SCP2: variants seen among roughly 807,000 people sequenced by gnomAD.
SCP2 encodes SCP-2/3-oxoacyl-CoA thiolase.
Under a neutral mutation model 71.4 loss-of-function variants are expected in SCP2, and 48 were observed. That is an observed-to-expected ratio of 0.67 (90% confidence interval 0.53 to 0.86). The LOEUF is 0.86. Ranked by LOEUF, SCP2 falls within the 40% of genes least tolerant of loss-of-function variation. SCP2 has a pLI of 0.00. For synonymous variants in SCP2, 220 were observed against 218.1 expected (o/e 1.01, Z -0.08); for missense variants, 560 against 655.6 (o/e 0.85, Z 1.59).
At chr1:52,954,033 C>T (rs548834592) in intron 4 of SCP2, among the ~76,000 whole-genome samples, 11 of 150,360 alleles carry the variant, frequency 7.3e-5, no homozygotes, top group African/African-American at 1.5e-4. Context: ...TTTGTGGTGC[C>T]GGGCATAGTG....
At chr1:53,032,443 G>A (rs1489353241) in intron 13 of SCP2, among the ~76,000 whole-genome samples, 2 of 152,214 alleles carry the variant, frequency 1.3e-5, no homozygotes, top group African/African-American at 4.8e-5. Context: ...GAGTTAGCAT[G>A]TGAGCTGAGA....
At position 53,050,687 on chromosome 1, in the gene SCP2, G is replaced by C. The variant is rs760910778; in HGVS notation, c.1627G>C (p.Gly543Arg). 3.0e-5 allele frequency: 49 copies of C among 1,612,332 alleles called. No individual in the cohort carries two copies. Among genetic ancestry groups the C allele is most frequent in the Non-Finnish European group, 4.2e-5 (49 of 1,178,492 alleles). Residue 543 changes from glycine (G) to arginine (R), a missense_variant, in exon 16 of 16, where the codon GGC (glycine) becomes CGC (arginine). Coordinates refer to ENST00000371514, the MANE Select transcript of SCP2 (RefSeq NM_002979.5). ...MKLQNLQLQPGNAKL is the reference protein window; with the variant it reads ...MKLQNLQLQPRNAKL ...GTTACAAAATCTTCAGCTTCAGCCA[G>C]GCAACGCTAAGCTCTGAAGAACTCC...
At chr1:53,017,131 ATAGGTATGTATTCTATATTCTGT>A (rs1432608636) in intron 12 of SCP2, among the ~76,000 whole-genome samples, 2 of 152,204 alleles carry the variant, frequency 1.3e-5, no homozygotes, top group Non-Finnish European at 2.9e-5. Context: ...CAGACTGAGA[ATAGGTATGTATTCTATATTCTGT>A]TAAATAAAAC....
chr1:52,935,587 CAAAAAA>C (rs35419796), intron 1 of SCP2, among the ~76,000 whole-genome samples: 8 of 108,714 alleles, frequency 7.4e-5, no homozygotes, highest in African/African-American at 1.6e-4. Flanking sequence ...GAGACTCAGT[CAAAAAA>C]AAAAAAAAAG....
chr1:53,017,688 C>T (rs533659965), intron 12 of SCP2, among the ~76,000 whole-genome samples: 1 of 152,086 alleles, frequency 6.6e-6, no homozygotes, highest in South Asian at 2.1e-4. Context: ...TTTGAAGATC[C>T]TAAGTCATAT....
intron 11 of SCP2, among the ~76,000 whole-genome samples, chr1:52,989,963 C>T (rs1659325417): frequency 6.6e-6 from 1 of 152,120 alleles, no homozygotes; most frequent in African/African-American, 2.4e-5. Context: ...AAGCAAAAGG[C>T]AAAGGCTAAG....
intron 11 of SCP2, among the ~76,000 whole-genome samples, chr1:53,000,599 TG>T (rs1660249056): frequency 6.6e-6 from 1 of 152,226 alleles, no homozygotes; most frequent in African/African-American, 2.4e-5. Context: ...CATTAGGTAC[TG>T]TAGGGCTGTG....
chr1:53,026,941 CTTTT>C (rs758073714), intron 12 of SCP2, among the ~76,000 whole-genome samples: 3 of 134,000 alleles, frequency 2.2e-5, no homozygotes. Context: ...AACTGCTGCA[CTTTT>C]TTTTTTTTTT....
chr1:53,020,196 A>G (rs574242450), intron 12 of SCP2, among the ~76,000 whole-genome samples: 1 of 152,130 alleles, frequency 6.6e-6, no homozygotes, highest in South Asian at 2.1e-4. Context: ...CATCAGAGAC[A>G]GTTTTGATCA....
chr1:52,943,822 C>T, intron 2 of SCP2: 4 of 449,982 alleles, frequency 8.9e-6, no homozygotes, highest in South Asian at 7.3e-5. Flanking sequence ...GATGAGGTTT[C>T]TTCACCCCTG....
At chr1:52,943,139 A>T (rs994410885) in intron 2 of SCP2, among the ~76,000 whole-genome samples, 11 of 151,992 alleles carry the variant, frequency 7.2e-5, no homozygotes, top group African/African-American at 2.7e-4. Context: ...GACTCCATGG[A>T]AAAAAAATCT....
At chr1:53,050,295 T>C (rs1167883175) in intron 15 of SCP2, 2 of 260,338 alleles carry the variant, frequency 7.7e-6, no homozygotes, top group Non-Finnish European at 7.5e-6. Context: ...ATTTCCCACC[T>C]ACATGGAATG....
intron 12 of SCP2, among the ~76,000 whole-genome samples, chr1:53,022,420 T>G (rs6690936): frequency 0.14 from 21,832 of 152,214 alleles, 2,274 homozygotes; most frequent in East Asian, 0.32. Flanking sequence ...ATTTCATTGT[T>G]CTTTGCATTT....
intron 1 of SCP2, among the ~76,000 whole-genome samples, chr1:52,938,444 C>G (rs778094874): frequency 3.3e-5 from 5 of 152,136 alleles, no homozygotes; most frequent in Non-Finnish European, 7.4e-5. Flanking sequence ...TTTTACTTCC[C>G]TTGTATTTCT....
intron 12 of SCP2, among the ~76,000 whole-genome samples, chr1:53,019,867 A>G (rs532846961): frequency 6.6e-6 from 1 of 152,320 alleles, no homozygotes; most frequent in African/African-American, 2.4e-5. Context: ...TTTAAATTTT[A>G]TAGACTAGAG....
intron 12 of SCP2, among the ~76,000 whole-genome samples, chr1:53,016,139 T>C (rs1661324103): frequency 6.6e-6 from 1 of 152,190 alleles, no homozygotes; most frequent in Non-Finnish European, 1.5e-5. Context: ...TTATTGAGTC[T>C]ATGTTATTCT....
chr1:52,943,515 C>T lies in SCP2; in HGVS notation c.127+1662C>T, dbSNP rs377469865. ...GGGATTACAGGCGTGAGCCACCGCA[C>T]CCCGCCCATAGTGGGTTCTTAAGCA... On this transcript the variant is annotated intron_variant, in intron 2 of 15. Transcript: ENST00000371514. 9 of 227,930 alleles carry T rather than the reference C, an allele frequency of 3.9e-5. No individual in the cohort carries two copies. In the East Asian group the frequency reaches 1.2e-3, roughly 30 times the overall value. The allele number at this position is 227,930 out of a possible 1,614,324, so 14.1% of individuals were successfully genotyped here. A position where few individuals can be genotyped will look rare whatever the true frequency, so the allele number is the denominator to read the frequency against.
chr1:53,043,510 A>G (rs1020760912), intron 14 of SCP2, among the ~76,000 whole-genome samples: 11 of 152,246 alleles, frequency 7.2e-5, no homozygotes, highest in African/African-American at 2.4e-4. Context: ...TGTAGAGCAT[A>G]GGAATTGGGA....
At chr1:53,035,151 G>C (rs1331018502) in intron 13 of SCP2, among the ~76,000 whole-genome samples, 1 of 151,866 alleles carries the variant, frequency 6.6e-6, no homozygotes, top group Non-Finnish European at 1.5e-5. Flanking sequence ...GAAGAATTTT[G>C]TGTATAAATT....
Sources: gnomAD v4.1 joint callset for allele counts (sites outside exome capture counted in the v4.1 genomes callset) on GRCh38, gnomAD v4.1.1 for gene constraint, MANE v1.5 for transcripts, NCBI Gene and HGNC (gene_info 2026-07-23, HGNC 2026-07-21) for gene names.